The following RAI1 variants were observed in gnomAD, a reference collection of about 807,000 sequenced individuals.
The protein encoded by RAI1 is retinoic acid-induced protein 1.
RAI1 carries 9 observed loss-of-function variants against 123.8 expected under a neutral mutation model. That is an observed-to-expected ratio of 0.07 (90% CI 0.04 to 0.13). RAI1 has a LOEUF of 0.13. RAI1 is among the 10% of genes least tolerant of loss of function. The probability of loss-of-function intolerance (pLI) is 1.00; values close to 1 mark genes in which losing one functional copy is unlikely to be tolerated. For missense variants in RAI1, 2,256 were observed against 2,545.8 expected, an observed-to-expected ratio of 0.89 and a Z score of 2.45; for synonymous variants, 1,231 against 1,127.3, an observed-to-expected ratio of 1.09 and a Z score of -1.84.
chr17:17,807,259 G>A (rs866831676), intron 4 of RAI1, among the ~76,000 whole-genome samples: 4 of 147,466 alleles, frequency 2.7e-5, no homozygotes, highest in African/African-American at 7.4e-5. Flanking sequence ...TGGGGGGGGC[G>A]GGGGGGTGGG....
At chr17:17,798,552 T>A (rs754780957) in intron 3 of RAI1, 39 bp downstream of exon 3, 7 of 1,596,150 alleles carry the variant, frequency 4.4e-6, no homozygotes, top group Non-Finnish European at 5.9e-6. Flanking sequence ...AGTGTGGGGT[T>A]CCAAAGGACA....
chr17:17,749,703 T>C (rs1488000191), intron 2 of RAI1, among the ~76,000 whole-genome samples: 1 of 152,200 alleles, frequency 6.6e-6, no homozygotes, highest in African/African-American at 2.4e-5. Flanking sequence ...CTCTCATAGA[T>C]CTCATCTCAG....
chr17:17,793,276 G>A lies in RAI1; in HGVS notation c.328G>A (p.Gly110Ser), dbSNP rs2032090791. 6.2e-7 allele frequency: 1 copy of A among 1,612,380 alleles called. No individual in the cohort carries two copies. Among genetic ancestry groups the A allele is most frequent in the East Asian group, 2.2e-5 (1 of 44,856 alleles). ...YGVQDSSPYPGRYAGEESLQA... is the reference protein window; with the variant it reads ...YGVQDSSPYPSRYAGEESLQA... ...CGTCCAGGACAGCAGCCCCTACCCA[G>A]GCCGCTATGCTGGTGAGGAGAGCCT... The change falls in exon 3 of 6, where the codon GGC becomes AGC. Residue 110 changes from glycine (G) to serine (S), a missense_variant. By Grantham distance (56) the Gly-to-Ser change is moderately conservative. Coordinates refer to ENST00000353383, the MANE Select transcript of RAI1 (RefSeq NM_030665.4).
At chr17:17,701,390 G>C (rs932540823) in intron 1 of RAI1, among the ~76,000 whole-genome samples, 15 of 152,120 alleles carry the variant, frequency 9.9e-5, no homozygotes, top group African/African-American at 3.1e-4. Context: ...TATTCTCTGT[G>C]GGACTTCCCT....
intron 2 of RAI1, among the ~76,000 whole-genome samples, chr17:17,785,746 G>A (rs542319937): frequency 4.6e-5 from 7 of 152,096 alleles, no homozygotes; most frequent in African/African-American, 1.4e-4. Context: ...CAGGGCACTC[G>A]CCTTTCTGCT....
chr17:17,784,187 G>A (rs1200732551), intron 2 of RAI1, among the ~76,000 whole-genome samples: 1 of 152,204 alleles, frequency 6.6e-6, no homozygotes, highest in Non-Finnish European at 1.5e-5. Context: ...GGACTGGGGG[G>A]AGGGAGGGGG....
rs989338190 is a variant in RAI1, at chr17:17,809,835, C to A, written c.5710-135C>A. On this transcript the variant is annotated intron_variant, in intron 5 of 5. Coordinates refer to ENST00000353383, the MANE Select transcript of RAI1 (RefSeq NM_030665.4). The surrounding 1 kb of genome is among the most constrained non-coding windows in gnomAD (Gnocchi z 4.9). ...GGCCAGAAGGGGTGGTGCCGACGGC[C>A]TCGGGCGGAGACCCCAGCCGCGCTC... 8 of 1,267,896 alleles carry A rather than the reference C, an allele frequency of 6.3e-6. No individual in the cohort carries two copies. Among genetic ancestry groups the A allele is most frequent in the Non-Finnish European group, 7.8e-6 (7 of 902,228 alleles). 78.5% of individuals were successfully genotyped at this position (1,267,896 alleles called of 1,614,324 possible). A position where few individuals can be genotyped will look rare whatever the true frequency, so the allele number is the denominator to read the frequency against.
chr17:17,778,026 C>T (rs2031415650), intron 2 of RAI1: 1 of 152,350 alleles, frequency 6.6e-6, no homozygotes, highest in Admixed American at 6.5e-5. Context: ...TCTTCCAGGG[C>T]TGAGATCTTG....
At chr17:17,710,054 T>A (rs771049039) in intron 1 of RAI1, among the ~76,000 whole-genome samples, 19 of 152,052 alleles carry the variant, frequency 1.2e-4, no homozygotes, top group African/African-American at 1.4e-4. Flanking sequence ...ACACACACAC[T>A]CTGCACCACT....
intron 1 of RAI1, among the ~76,000 whole-genome samples, chr17:17,689,749 C>A (rs552973574): frequency 1.4e-4 from 22 of 152,332 alleles, no homozygotes; most frequent in African/African-American, 5.1e-4. Context: ...CTGATAGAAT[C>A]TACCTCATAG....
intron 1 of RAI1, among the ~76,000 whole-genome samples, chr17:17,690,202 A>G (rs549229529): frequency 3.9e-5 from 6 of 152,182 alleles, no homozygotes; most frequent in African/African-American, 9.6e-5. Flanking sequence ...CTGGCCAAAC[A>G]TGGTGAAACC....
chr17:17,719,717 A>C (rs1449667877), intron 1 of RAI1, among the ~76,000 whole-genome samples: 1 of 152,154 alleles, frequency 6.6e-6, no homozygotes, highest in Non-Finnish European at 1.5e-5. Context: ...CCTGGCATCT[A>C]GTAGGTGCTC....
At chr17:17,722,032 A>G (rs966976547) in intron 1 of RAI1, among the ~76,000 whole-genome samples, 9 of 152,132 alleles carry the variant, frequency 5.9e-5, no homozygotes, top group Admixed American at 2.0e-4. Context: ...TTGAGCAGCA[A>G]AACCCAAGTG....
intron 2 of RAI1, among the ~76,000 whole-genome samples, chr17:17,760,107 CCAGA>C (rs2030625274): frequency 6.6e-6 from 1 of 152,186 alleles, no homozygotes; most frequent in Admixed American, 6.5e-5. Context: ...GACTAGGCAC[CCAGA>C]CAGAGTACTG....
intron 1 of RAI1, among the ~76,000 whole-genome samples, chr17:17,708,772 G>A (rs1915472199): frequency 6.6e-6 from 1 of 152,206 alleles, no homozygotes; most frequent in Admixed American, 6.5e-5. Flanking sequence ...AGAAGACTGT[G>A]GTCCCAGTCA....
At chr17:17,784,431 C>T (rs1567904519) in intron 2 of RAI1, among the ~76,000 whole-genome samples, 1 of 152,242 alleles carries the variant, frequency 6.6e-6, no homozygotes, top group Non-Finnish European at 1.5e-5. Flanking sequence ...GACAGGCACT[C>T]TGGGGCATAG....
chr17:17,808,170 T>TG (rs977440608), intron 4 of RAI1, among the ~76,000 whole-genome samples: 7 of 151,670 alleles, frequency 4.6e-5, no homozygotes, highest in African/African-American at 9.7e-5. Context: ...GACTAGAGAC[T>TG]GGGGGGTCCC....
At chr17:17,762,195 G>GT (rs2030729137) in intron 2 of RAI1, among the ~76,000 whole-genome samples, 1 of 152,146 alleles carries the variant, frequency 6.6e-6, no homozygotes, top group African/African-American at 2.4e-5. Context: ...TTGGAGAGTG[G>GT]TAAGAGCTAG....
At chr17:17,712,552 C>T (rs1915596811) in intron 1 of RAI1, among the ~76,000 whole-genome samples, 1 of 152,114 alleles carries the variant, frequency 6.6e-6, no homozygotes. Flanking sequence ...AGGTGGGAGC[C>T]ATGGAGGATT....
Sources: allele counts gnomAD v4.1 joint callset (sites outside exome capture counted in the v4.1 genomes callset), GRCh38; gene constraint gnomAD v4.1.1; non-coding constraint Gnocchi (gnomAD v3.1); transcripts MANE v1.5; gene names NCBI Gene and HGNC (gene_info 2026-07-23, HGNC 2026-07-21).